TIMP2: variants seen among roughly 807,000 people sequenced by gnomAD.
The protein encoded by TIMP2 is TIMP metallopeptidase inhibitor 2, also known as metalloproteinase inhibitor 2.
TIMP2 carries 5 observed loss-of-function variants against 24.3 expected under a neutral mutation model. The ratio of observed to expected loss-of-function variants is 0.21; its 90% confidence interval spans 0.11 to 0.43. The LOEUF (loss-of-function observed/expected upper bound fraction) is 0.43, where lower values mean the gene tolerates loss of function less well. Ranked by LOEUF, TIMP2 falls within the 20% of genes least tolerant of loss-of-function variation. The pLI is 1.00. For synonymous variants in TIMP2, 130 were observed against 123.2 expected (o/e 1.06, Z -0.37); for missense variants, 221 against 297.5 (o/e 0.74, Z 1.89).
At chr17:78,907,740 C>A (rs2070173716) in intron 1 of TIMP2, among the ~76,000 whole-genome samples, 1 of 152,152 alleles carries the variant, frequency 6.6e-6, no homozygotes, top group South Asian at 2.1e-4. Flanking sequence ...CACAATATAG[C>A]GAAGTCCAGT....
At chr17:78,884,062 CG>C (rs918999373) in intron 1 of TIMP2, among the ~76,000 whole-genome samples, 17 of 152,244 alleles carry the variant, frequency 1.1e-4, no homozygotes, top group African/African-American at 3.6e-4. Flanking sequence ...TCAAGACCCA[CG>C]GAACAGCCAA....
intron 1 of TIMP2, among the ~76,000 whole-genome samples, chr17:78,906,891 C>T (rs2070164302): frequency 6.6e-6 from 1 of 151,464 alleles, no homozygotes; most frequent in South Asian, 2.1e-4. Flanking sequence ...CCGGCAGGCC[C>T]ACTTTCTTAT....
chr17:78,904,258 T>C (rs2070137040), intron 1 of TIMP2: 1 of 152,120 alleles, frequency 6.6e-6, no homozygotes, highest in Non-Finnish European at 1.5e-5. Context: ...AAGCCGCCAG[T>C]TGGATCATCT....
In TIMP2 at chr17:78,896,791, G is replaced by T; in HGVS notation, c.131-22872C>A. 2.6e-6 allele frequency: 1 copy of T among 390,572 alleles called. No individual in the cohort carries two copies. The highest frequency in any genetic ancestry group is 3.5e-6 in the Non-Finnish European group (1 of 286,336). 24.2% of individuals were successfully genotyped at this position (390,572 alleles called of 1,614,324 possible). On this transcript the variant is annotated intron_variant, in intron 1 of 4. Transcript: ENST00000262768. This position sits in a 1 kb window ranked among gnomAD's most constrained non-coding sequence, Gnocchi z 4.4. ...CCAGGGCCTCCCACAGAGCGGAGTGGACACTGGGCCCATTCTCCTCTCTTG... is the reference window on the plus strand; with the variant it reads ...CCAGGGCCTCCCACAGAGCGGAGTGTACACTGGGCCCATTCTCCTCTCTTG...
chr17:78,856,803 G>A lies in TIMP2; in HGVS notation c.465+719C>T, dbSNP rs1183651368. The A allele has an allele frequency of 2.0e-5, 3 of 152,282 alleles. No homozygotes were observed. In the East Asian group the frequency reaches 5.8e-4, roughly 29 times the overall value. 9.4% of individuals were successfully genotyped at this position (152,282 alleles called of 1,614,324 possible). A position where few individuals can be genotyped will look rare whatever the true frequency, so the allele number is the denominator to read the frequency against. On this transcript the variant is annotated intron_variant, in intron 4 of 4. Transcript: ENST00000262768. ...ACCCAGGTGTGAAAATGTCGGGAAT[G>A]TTGGAAACAGCGTAAGGCCTGCAGT... is the stretch of plus-strand genomic sequence containing the variant.
chr17:78,857,970 T>C (rs1314038996), intron 3 of TIMP2, among the ~76,000 whole-genome samples: 5 of 151,992 alleles, frequency 3.3e-5, no homozygotes, highest in African/African-American at 9.7e-5. Flanking sequence ...CTTGGGAGGC[T>C]GAGGCAGGAG....
intron 3 of TIMP2, among the ~76,000 whole-genome samples, chr17:78,859,111 C>A (rs923198480): frequency 1.6e-4 from 25 of 152,096 alleles, no homozygotes; most frequent in Non-Finnish European, 3.2e-4. Context: ...ACTTATAATT[C>A]TGCATTTTTC....
At chr17:78,913,098 C>T (rs1223025672) in intron 1 of TIMP2, among the ~76,000 whole-genome samples, 2 of 152,064 alleles carry the variant, frequency 1.3e-5, no homozygotes, top group African/African-American at 4.8e-5. Context: ...ATATTTACAA[C>T]AACAGGCCAT....
chr17:78,906,831 C>A (rs960654601), intron 1 of TIMP2, among the ~76,000 whole-genome samples: 4 of 152,192 alleles, frequency 2.6e-5, no homozygotes, highest in Non-Finnish European at 5.9e-5. Flanking sequence ...GATCCCCCCG[C>A]CTCAGCCTCC....
intron 1 of TIMP2, chr17:78,897,985 C>T (rs2070029837): frequency 6.6e-6 from 1 of 152,206 alleles, no homozygotes; most frequent in African/African-American, 2.4e-5. Flanking sequence ...TTGATTTCCC[C>T]CATGACACCA....
At chr17:78,900,788 A>G (rs1402023429) in intron 1 of TIMP2, among the ~76,000 whole-genome samples, 1 of 152,230 alleles carries the variant, frequency 6.6e-6, no homozygotes, top group Non-Finnish European at 1.5e-5. Flanking sequence ...ATGGGAACAC[A>G]TCTAAAACTT....
intron 3 of TIMP2, among the ~76,000 whole-genome samples, chr17:78,859,691 A>G (rs1336090041): frequency 1.3e-5 from 2 of 150,948 alleles, no homozygotes; most frequent in Non-Finnish European, 3.0e-5. Flanking sequence ...AAATAAATAA[A>G]ATAAAAACTA....
chr17:78,891,252 C>G lies in TIMP2; in HGVS notation c.131-17333G>C, dbSNP rs879009541. On this transcript the variant is annotated intron_variant, in intron 1 of 4. Transcript: ENST00000262768. This position sits in a 1 kb window ranked among gnomAD's most constrained non-coding sequence, Gnocchi z 4.5. ...AACGTTTTCAAGTCGGTCTTGGACG[C>G]TGCCTGCTGCGCCTCCTCCTCTGCT... The G allele has an allele frequency of 6.4e-7, 1 of 1,550,660 alleles. No homozygotes were observed. Among genetic ancestry groups the G allele is most frequent in the South Asian group, 1.2e-5 (1 of 84,060 alleles).
At chr17:78,879,474 A>T (rs2069759240) in intron 1 of TIMP2, among the ~76,000 whole-genome samples, 1 of 152,140 alleles carries the variant, frequency 6.6e-6, no homozygotes, top group African/African-American at 2.4e-5. Context: ...TTTACTGAAC[A>T]CCTACTGGGT....
In TIMP2 at chr17:78,855,679, G is replaced by C; in HGVS notation, c.651C>G (p.Ile217Met). ...AAPPKQEFLD[I>M]EDP ...GTTGGAGGCCTGCTTATGGGTCCTC[G>C]ATGTCGAGAAACTCCTGCTTGGGGG... is the stretch of plus-strand genomic sequence containing the variant. The change falls in exon 5 of 5, where the codon ATC (isoleucine) becomes ATG (methionine). Residue 217 changes from isoleucine to methionine, a missense_variant. By Grantham distance (10) the Ile-to-Met change is conservative. Transcript: ENST00000262768. The surrounding 1 kb of genome is among the most constrained non-coding windows in gnomAD (Gnocchi z 6.0). 1 of 1,613,840 alleles carries C rather than the reference G, an allele frequency of 6.2e-7. No individual in the cohort carries two copies. The highest frequency in any genetic ancestry group is 8.5e-7 in the Non-Finnish European group (1 of 1,180,026).
At chr17:78,908,028 G>A (rs1445569094) in intron 1 of TIMP2, among the ~76,000 whole-genome samples, 1 of 152,148 alleles carries the variant, frequency 6.6e-6, no homozygotes, top group East Asian at 1.9e-4. Context: ...CCAGCTACTT[G>A]GGAGGCTGAG....
intron 1 of TIMP2, chr17:78,892,425 A>G: frequency 6.5e-7 from 1 of 1,548,920 alleles, no homozygotes; most frequent in East Asian, 2.4e-5. Context: ...CCCGGGCCTG[A>G]GGAGCCACAG....
chr17:78,873,595 G>A (rs565576112), intron 2 of TIMP2, among the ~76,000 whole-genome samples: 25 of 152,286 alleles, frequency 1.6e-4, no homozygotes, highest in African/African-American at 5.5e-4. Flanking sequence ...GCCCGGACAG[G>A]TTTCTGAAGG....
chr17:78,862,643 G>A (rs1389905084), intron 3 of TIMP2, among the ~76,000 whole-genome samples: 3 of 152,202 alleles, frequency 2.0e-5, no homozygotes, highest in Non-Finnish European at 4.4e-5. Flanking sequence ...GCATATGAAC[G>A]GATCCATCGC....
Sources: allele counts gnomAD v4.1 joint callset (sites outside exome capture counted in the v4.1 genomes callset), GRCh38; gene constraint gnomAD v4.1.1; non-coding constraint Gnocchi (gnomAD v3.1); transcripts MANE v1.5; gene names NCBI Gene and HGNC (gene_info 2026-07-23, HGNC 2026-07-21).